LINGO1: variants seen among roughly 807,000 people sequenced by gnomAD.
The protein encoded by LINGO1 is leucine rich repeat and Ig domain containing 1.
In LINGO1, 11 loss-of-function variants were observed where a neutral mutation model predicts 37.3. The ratio of observed to expected loss-of-function variants is 0.29; its 90% CI spans 0.19 to 0.49. The LOEUF is 0.49. Ranked by LOEUF, LINGO1 falls within the 20% of genes least tolerant of loss-of-function variation. LINGO1 has a pLI of 0.99. For missense variants in LINGO1, 585 were observed against 878.2 expected (o/e 0.67, Z 4.22); for synonymous variants, 387 against 403.0 (o/e 0.96, Z 0.48).
chr15:77,778,416 T>G (rs2076682685), intron 1 of LINGO1, among the ~76,000 whole-genome samples: 1 of 152,196 alleles, frequency 6.6e-6, no homozygotes, highest in South Asian at 2.1e-4. Context: ...AAGCCACTGT[T>G]TTGCCTGCCA....
chr15:77,817,969 C>T (rs1223440994), intron 1 of LINGO1, among the ~76,000 whole-genome samples: 3 of 152,156 alleles, frequency 2.0e-5, no homozygotes, highest in Admixed American at 6.5e-5. Flanking sequence ...ACTCCAGAGA[C>T]CCAGGTAGAT....
At chr15:77,634,877 G>A (rs1302778625), upstream of LINGO1, among the ~76,000 whole-genome samples, 4 of 152,098 alleles carry the variant, frequency 2.6e-5, no homozygotes, top group East Asian at 7.7e-4. Context: ...GGCTCCGCCA[G>A]GCACCCGGCG....
intron 1 of LINGO1, among the ~76,000 whole-genome samples, chr15:77,622,453 C>T (rs1346230929): frequency 2.6e-5 from 4 of 152,182 alleles, no homozygotes; most frequent in African/African-American, 9.7e-5. Context: ...GCCACTCCAC[C>T]AGGTGAGTCT....
chr15:77,735,889 T>C (rs1015335081), intron 1 of LINGO1, among the ~76,000 whole-genome samples: 3 of 152,042 alleles, frequency 2.0e-5, no homozygotes, highest in Non-Finnish European at 4.4e-5. Context: ...CATATCTTAC[T>C]CCCAGCAGCC....
At chr15:77,647,696 C>T (rs2074665147) in intron 3 of LINGO1, 1 of 364,364 alleles carries the variant, frequency 2.7e-6, no homozygotes, top group Admixed American at 3.4e-5. Context: ...GGGAAAGGCC[C>T]TGGCAAAACG....
At position 77,623,853 on chromosome 15, in the gene LINGO1, C is replaced by CTG. The variant is rs59528630; in HGVS notation, c.7-7955_7-7954dup. Among the ~76,000 whole-genome samples, 318 of 146,214 alleles carry CTG rather than the reference C, an allele frequency of 2.2e-3. 2 individuals carry two copies. The highest frequency in any genetic ancestry group is 3.7e-3 in the African/African-American group (145 of 39,430). On this transcript the variant is annotated intron_variant, in intron 1 of 1. Coordinates refer to ENST00000355300, the MANE Select transcript of LINGO1 (RefSeq NM_032808.7). The stretch of plus-strand genomic sequence containing the variant: ...GTCTGTGTGTGTGTGTGTGAGTGGC[C>CTG]TGTGTGTGTGTGTGTGTGTGTGTCT...
chr15:77,632,372 G>T lies in LINGO1; in HGVS notation c.-57C>A. On this transcript the variant is annotated 5_prime_UTR_variant, in exon 1 of 2. Transcript: ENST00000355300. The surrounding 1 kb of genome is among the most constrained non-coding windows in gnomAD (Gnocchi z 6.0). Reference sequence around the variant, plus strand: ...TCACCAATCGCATGTCTCTCCAGCCGGCCCGACCAGGCCCCAGCCCCTGCC... The same window carrying T: ...TCACCAATCGCATGTCTCTCCAGCCTGCCCGACCAGGCCCCAGCCCCTGCC... 7.4e-7 allele frequency: 1 copy of T among 1,358,342 alleles called. No individual in the cohort carries two copies. 84.1% of individuals were successfully genotyped at this position (1,358,342 alleles called of 1,614,324 possible).
At chr15:77,647,034 G>A (rs946838441) in intron 3 of LINGO1, among the ~76,000 whole-genome samples, 16 of 151,966 alleles carry the variant, frequency 1.1e-4, no homozygotes, top group Non-Finnish European at 2.2e-4. Context: ...GAACTGGGAC[G>A]GGCCCCCGGT....
At chr15:77,676,695 C>A (rs2075333337) in intron 3 of LINGO1, among the ~76,000 whole-genome samples, 2 of 152,192 alleles carry the variant, frequency 1.3e-5, no homozygotes, top group South Asian at 4.1e-4. Flanking sequence ...CAAAGGGAGA[C>A]CAACCTGGGA....
At chr15:77,732,884 C>T (rs771503832) in intron 2 of LINGO1, among the ~76,000 whole-genome samples, 2 of 152,226 alleles carry the variant, frequency 1.3e-5, no homozygotes, top group South Asian at 2.1e-4. Flanking sequence ...GGCCATCCCA[C>T]GAGTCATAAA....
chr15:77,769,849 T>C (rs898377145), intron 1 of LINGO1, among the ~76,000 whole-genome samples: 2 of 152,120 alleles, frequency 1.3e-5, no homozygotes, highest in African/African-American at 4.8e-5. Context: ...AGACCTGCCA[T>C]GTCCTACACG....
chr15:77,751,256 C>A (rs1267946544), intron 1 of LINGO1, among the ~76,000 whole-genome samples: 2 of 152,212 alleles, frequency 1.3e-5, no homozygotes, highest in Non-Finnish European at 2.9e-5. Flanking sequence ...CCAACCCTGT[C>A]TACCAAAAGT....
At position 77,668,449 on chromosome 15, in the gene LINGO1, C is replaced by T. The variant is rs147272108; in HGVS notation, c.-13+8640G>A. Among the ~76,000 whole-genome samples the T allele has an allele frequency of 1.5e-3, 234 of 152,280 alleles. 1 individual carries two copies. Among genetic ancestry groups the T allele is most frequent in the African/African-American group, 5.4e-3 (224 of 41,538 alleles). Reference sequence around the variant, plus strand: ...ACACCCTAAAACCTGCATGTAATGCCAGTCACAGGCTGAACTGTCACGCAG... The same window carrying T: ...ACACCCTAAAACCTGCATGTAATGCTAGTCACAGGCTGAACTGTCACGCAG... On this transcript the variant is annotated intron_variant, in intron 3 of 3. Coordinates refer to the LINGO1 transcript ENST00000559893.
chr15:77,687,756 A>T (rs1189487635), intron 2 of LINGO1, among the ~76,000 whole-genome samples: 1 of 152,260 alleles, frequency 6.6e-6, no homozygotes, highest in Non-Finnish European at 1.5e-5. Flanking sequence ...AGGTAAACCC[A>T]GGTCTGGCTG....
chr15:77,813,416 G>A (rs1353979610), intron 1 of LINGO1, among the ~76,000 whole-genome samples: 1 of 152,186 alleles, frequency 6.6e-6, no homozygotes, highest in East Asian at 1.9e-4. Context: ...TGGGACATAG[G>A]CTTGGGCAAG....
intron 1 of LINGO1, among the ~76,000 whole-genome samples, chr15:77,628,664 G>C (rs947196088): frequency 6.6e-6 from 1 of 152,214 alleles, no homozygotes; most frequent in Non-Finnish European, 1.5e-5. Context: ...TTAAGTTGGA[G>C]AGTAGGGTAA....
At chr15:77,820,571 A>G (rs928787819), upstream of LINGO1, among the ~76,000 whole-genome samples, 7 of 152,186 alleles carry the variant, frequency 4.6e-5, no homozygotes, top group African/African-American at 9.7e-5. Flanking sequence ...GACACCTGTC[A>G]TGCTGGGAGG....
chr15:77,722,179 A>AGT (rs1555534733), intron 2 of LINGO1, among the ~76,000 whole-genome samples: 5 of 73,070 alleles, frequency 6.8e-5, no homozygotes, highest in African/African-American at 2.4e-4. Flanking sequence ...ATGTGTTGTC[A>AGT]GCTTTTAAAT....
At chr15:77,620,460 G>A (rs1228053002) in intron 1 of LINGO1, among the ~76,000 whole-genome samples, 5 of 152,254 alleles carry the variant, frequency 3.3e-5, no homozygotes, top group East Asian at 1.9e-4. Context: ...GCTGGCCACC[G>A]GCCACACCCT....
Sources: allele counts gnomAD v4.1 joint callset (sites outside exome capture counted in the v4.1 genomes callset), GRCh38; gene constraint gnomAD v4.1.1; non-coding constraint Gnocchi (gnomAD v3.1); transcripts MANE v1.5; gene names NCBI Gene and HGNC (gene_info 2026-07-23, HGNC 2026-07-21).